CCDC148: variants seen among roughly 807,000 people sequenced by gnomAD.
The protein encoded by CCDC148 is coiled-coil domain-containing protein 148.
CCDC148 carries 89 observed loss-of-function variants against 85.7 expected under a neutral mutation model. That is an observed-to-expected ratio of 1.04 (90% CI 0.87 to 1.24). The LOEUF is 1.24. CCDC148 is among the 50% of genes most tolerant of loss of function. CCDC148 has a pLI of 0.00. For synonymous variants in CCDC148, 230 were observed against 213.9 expected (o/e 1.08, Z -0.66); for missense variants, 692 against 671.7 (o/e 1.03, Z -0.33).
At chr2:158,435,714 G>T (rs1687614918) in intron 1 of CCDC148, among the ~76,000 whole-genome samples, 1 of 152,154 alleles carries the variant, frequency 6.6e-6, no homozygotes, top group South Asian at 2.1e-4. Flanking sequence ...CCATCAGTGT[G>T]CTGTATTCAG....
intron 10 of CCDC148, among the ~76,000 whole-genome samples, chr2:158,244,067 C>T (rs1415161321): frequency 6.6e-6 from 1 of 152,126 alleles, no homozygotes; most frequent in African/African-American, 2.4e-5. Context: ...TCAGCCCTCA[C>T]CAGTCACGTT....
intron 11 of CCDC148, 59 bp from the exon 12 acceptor site, chr2:158,179,055 C>T: frequency 7.8e-7 from 1 of 1,277,924 alleles, no homozygotes; most frequent in Non-Finnish European, 1.1e-6. Context: ...GGAGATTGTA[C>T]AGAAAACAGC....
chr2:158,217,156 T>C (rs1412757703), intron 11 of CCDC148, among the ~76,000 whole-genome samples: 1 of 151,934 alleles, frequency 6.6e-6, no homozygotes, highest in Non-Finnish European at 1.5e-5. Flanking sequence ...AAAAGACATA[T>C]TCTAATAGAT....
chr2:158,300,196 A>C (rs934262607), intron 9 of CCDC148, among the ~76,000 whole-genome samples: 3 of 152,228 alleles, frequency 2.0e-5, no homozygotes, highest in African/African-American at 7.2e-5. Context: ...TGAGAAATAC[A>C]TTAGAAAGAA....
chr2:158,214,122 A>C (rs578225279), intron 11 of CCDC148, among the ~76,000 whole-genome samples: 2 of 4,858 alleles, frequency 4.1e-4, no homozygotes, highest in Non-Finnish European at 2.6e-3. Flanking sequence ...ACATTGTGGT[A>C]AAAAAAAAAA....
At chr2:158,279,669 CA>C (rs1381165200) in intron 9 of CCDC148, among the ~76,000 whole-genome samples, 1 of 152,188 alleles carries the variant, frequency 6.6e-6, no homozygotes, top group Admixed American at 6.5e-5. Context: ...CTGAAAGTGA[CA>C]GGGGGAATGG....
chr2:158,302,127 G>T (rs886774618), intron 9 of CCDC148, among the ~76,000 whole-genome samples: 3 of 152,128 alleles, frequency 2.0e-5, no homozygotes, highest in Non-Finnish European at 4.4e-5. Context: ...GAGAAGGACC[G>T]AACTTGAACA....
chr2:158,255,280 A>G (rs776296808), intron 9 of CCDC148, among the ~76,000 whole-genome samples: 17 of 151,592 alleles, frequency 1.1e-4, no homozygotes, highest in Non-Finnish European at 2.5e-4. Flanking sequence ...ATTATTTCTA[A>G]TTATAATGGT....
At chr2:158,447,193 G>C (rs1309456997) in intron 1 of CCDC148, 9 of 152,050 alleles carry the variant, frequency 5.9e-5, no homozygotes, top group Admixed American at 1.3e-4. Context: ...ACATTGCATA[G>C]ACGGGCGTGC....
chr2:158,240,512 C>T (rs1301465413), intron 10 of CCDC148, among the ~76,000 whole-genome samples: 2 of 145,430 alleles, frequency 1.4e-5, no homozygotes, highest in African/African-American at 2.5e-5. Flanking sequence ...GAAGTATCAG[C>T]CTCTCTGTTA....
intron 10 of CCDC148, among the ~76,000 whole-genome samples, chr2:158,233,381 C>T (rs1687947722): frequency 1.3e-5 from 2 of 151,830 alleles, no homozygotes; most frequent in Admixed American, 1.3e-4. Flanking sequence ...ACTCCTCTTT[C>T]TATATGATCA....
intron 9 of CCDC148, among the ~76,000 whole-genome samples, chr2:158,283,518 G>T (rs1006270746): frequency 2.6e-5 from 4 of 152,100 alleles, no homozygotes; most frequent in East Asian, 1.9e-4. Flanking sequence ...AAAAGACACA[G>T]GAAAAAATGC....
intron 1 of CCDC148, among the ~76,000 whole-genome samples, chr2:158,388,863 A>C (rs1685193104): frequency 6.6e-6 from 1 of 152,192 alleles, no homozygotes; most frequent in Non-Finnish European, 1.5e-5. Context: ...CAGATAATAC[A>C]TAAAAACTTC....
At chr2:158,284,389 C>T (rs1205583829) in intron 9 of CCDC148, among the ~76,000 whole-genome samples, 3 of 151,990 alleles carry the variant, frequency 2.0e-5, no homozygotes, top group African/African-American at 2.4e-5. Flanking sequence ...AAATAACAAC[C>T]TCTTAAAGAA....
chr2:158,226,794 T>C (rs1404973744), intron 10 of CCDC148, among the ~76,000 whole-genome samples: 1 of 152,154 alleles, frequency 6.6e-6, no homozygotes, highest in Admixed American at 6.5e-5. Flanking sequence ...TAGGTATTGA[T>C]GGGATGTATC....
At chr2:158,269,726 T>C (rs1043752527) in intron 9 of CCDC148, among the ~76,000 whole-genome samples, 1 of 152,134 alleles carries the variant, frequency 6.6e-6, no homozygotes, top group Non-Finnish European at 1.5e-5. Flanking sequence ...ACCAACAAAA[T>C]AATGCATCCT....
At chr2:158,176,390 G>T in intron 13 of CCDC148, 131 bp downstream of exon 13, 1 of 830,016 alleles carries the variant, frequency 1.2e-6, no homozygotes, top group Non-Finnish European at 1.8e-6. Context: ...TCATTTAGAA[G>T]TAAAAATTAT....
In CCDC148 at chr2:158,304,012, TG is replaced by T. The variant is rs368601492; in HGVS notation, c.1110+5420del. ...CATCAACAAAATGTGGCATTGTTTT[TG>T]TCCTCCATTCAGATGTTCTCCAACC... On this transcript the variant is annotated intron_variant, in intron 9 of 13. Transcript: ENST00000283233. Among the ~76,000 whole-genome samples, 153 of 152,270 alleles carry T rather than the reference TG, an allele frequency of 1.0e-3. 1 individual carries two copies. The highest frequency in any genetic ancestry group is 3.4e-3 in the African/African-American group (143 of 41,536).
chr2:158,309,087 G>C (rs1208458547), intron 9 of CCDC148, among the ~76,000 whole-genome samples: 6 of 152,166 alleles, frequency 3.9e-5, no homozygotes, highest in Non-Finnish European at 8.8e-5. Context: ...AGAAGTCCAA[G>C]AGTCTTTAGA....
Sources: gnomAD v4.1 joint callset for allele counts (sites outside exome capture counted in the v4.1 genomes callset) on GRCh38, gnomAD v4.1.1 for gene constraint, MANE v1.5 for transcripts, NCBI Gene and HGNC (gene_info 2026-07-23, HGNC 2026-07-21) for gene names.